PPP1R9A: variants seen among roughly 807,000 people sequenced by gnomAD.
The protein encoded by PPP1R9A is protein phosphatase 1 regulatory subunit 9A, also known as neurabin-1.
A neutral mutation model predicts 141.9 loss-of-function variants in PPP1R9A; 59 were observed. The observed-to-expected ratio is 0.42, with a 90% CI of 0.34 to 0.52. PPP1R9A has a LOEUF of 0.52. Ranked by LOEUF, PPP1R9A falls within the 20% of genes least tolerant of loss-of-function variation. The probability of loss-of-function intolerance (pLI) is 0.10; values close to 1 mark genes in which losing one functional copy is unlikely to be tolerated. For synonymous variants in PPP1R9A, 500 were observed against 569.7 expected, an observed-to-expected ratio of 0.88 and a Z score of 1.74; for missense variants, 1,444 against 1,611.9, an observed-to-expected ratio of 0.90 and a Z score of 1.78.
At chr7:95,272,878 G>C (rs187614109) in intron 14 of PPP1R9A, among the ~76,000 whole-genome samples, 3 of 152,266 alleles carry the variant, frequency 2.0e-5, no homozygotes, top group Non-Finnish European at 2.9e-5. Flanking sequence ...ATAAGAGACA[G>C]AAAAACAGAT....
chr7:95,262,099 G>C (rs1484405911), intron 12 of PPP1R9A, among the ~76,000 whole-genome samples: 24 of 152,162 alleles, frequency 1.6e-4, no homozygotes, highest in Admixed American at 1.6e-3. Flanking sequence ...AATATCCATA[G>C]ATTTTGATTG....
At chr7:95,040,867 T>G (rs958281901) in intron 2 of PPP1R9A, among the ~76,000 whole-genome samples, 11 of 152,136 alleles carry the variant, frequency 7.2e-5, no homozygotes, top group Admixed American at 7.2e-4. Flanking sequence ...TGAAAGAGAT[T>G]AATCCTCTCT....
At chr7:95,185,378 A>ATTTTTTTTTTTTTTTTTTTTTTTTT (rs147366122) in intron 5 of PPP1R9A, among the ~76,000 whole-genome samples, 13 of 148,866 alleles carry the variant, frequency 8.7e-5, no homozygotes, top group African/African-American at 3.2e-4. Flanking sequence ...TTTTTATGGG[A>ATTTTTTTTTTTTTTTTTTTTTTTTT]TTTTTTTTTT....
At chr7:95,121,808 A>G (rs2152489395) in intron 4 of PPP1R9A, among the ~76,000 whole-genome samples, 1 of 152,264 alleles carries the variant, frequency 6.6e-6, no homozygotes, top group South Asian at 2.1e-4. Context: ...ACCCACTCTC[A>G]AAGAAATAAA....
At chr7:95,244,545 A>G (rs1234032919) in intron 8 of PPP1R9A, among the ~76,000 whole-genome samples, 1 of 152,194 alleles carries the variant, frequency 6.6e-6, no homozygotes, top group East Asian at 1.9e-4. Context: ...ATCTGAGAAA[A>G]GAAAGTCCAA....
chr7:95,012,063 A>G (rs1804499987), intron 2 of PPP1R9A, among the ~76,000 whole-genome samples: 1 of 152,186 alleles, frequency 6.6e-6, no homozygotes, highest in African/African-American at 2.4e-5. Flanking sequence ...GGACTATAGC[A>G]GTTAATAGTT....
intron 2 of PPP1R9A, among the ~76,000 whole-genome samples, chr7:94,954,804 G>T: frequency 6.9e-6 from 1 of 145,948 alleles, no homozygotes; most frequent in Non-Finnish European, 1.5e-5. Flanking sequence ...TGTTTATTCT[G>T]TTATTTTAGA....
At chr7:95,280,558 A>G (rs1254388330) in intron 16 of PPP1R9A, among the ~76,000 whole-genome samples, 1 of 152,192 alleles carries the variant, frequency 6.6e-6, no homozygotes, top group African/African-American at 2.4e-5. Context: ...GGAAACAGCT[A>G]CCTCTGAAAT....
chr7:94,937,052 G>A lies in PPP1R9A; in HGVS notation c.1395+25544G>A, dbSNP rs866182453. Among the ~76,000 whole-genome samples the A allele has an allele frequency of 4.6e-5, 7 of 152,118 alleles. No homozygotes were observed. In the East Asian group the frequency reaches 7.7e-4, roughly 17 times the overall value. On this transcript the variant is annotated intron_variant, in intron 2 of 19. Transcript: ENST00000433360. ...ATGTATTAGCATTTTTAATAGCTCC[G>A]TAGTATAAATGTGCCCTAACTTATT...
At chr7:95,115,788 G>A (rs946050989) in intron 3 of PPP1R9A, among the ~76,000 whole-genome samples, 1 of 151,566 alleles carries the variant, frequency 6.6e-6, no homozygotes, top group South Asian at 2.1e-4. Flanking sequence ...GTGGTGGCAC[G>A]TGCCTGTAGT....
intron 2 of PPP1R9A, among the ~76,000 whole-genome samples, chr7:95,059,737 A>G (rs1196739378): frequency 6.6e-6 from 1 of 152,182 alleles, no homozygotes; most frequent in East Asian, 1.9e-4. Context: ...GTCCCTATAA[A>G]GGAACTTCGT....
At chr7:94,956,684 G>A (rs1035392397) in intron 2 of PPP1R9A, among the ~76,000 whole-genome samples, 5 of 152,014 alleles carry the variant, frequency 3.3e-5, no homozygotes, top group Admixed American at 6.6e-5. Flanking sequence ...CTCCAGCCTG[G>A]GCAACAGGGT....
intron 2 of PPP1R9A, among the ~76,000 whole-genome samples, chr7:95,077,255 T>C (rs555230599): frequency 6.6e-6 from 1 of 152,176 alleles, no homozygotes; most frequent in Non-Finnish European, 1.5e-5. Flanking sequence ...TTTCGCTTTG[T>C]GGTCTGTGTC....
At chr7:95,167,948 G>A (rs1019387359) in intron 5 of PPP1R9A, among the ~76,000 whole-genome samples, 61 of 152,058 alleles carry the variant, frequency 4.0e-4, no homozygotes, top group African/African-American at 1.4e-3. Flanking sequence ...GAGAATTAAC[G>A]TTGTTAAAAT....
chr7:95,276,897 C>T (rs1433520331), intron 16 of PPP1R9A, among the ~76,000 whole-genome samples: 1 of 152,104 alleles, frequency 6.6e-6, no homozygotes, highest in Non-Finnish European at 1.5e-5. Context: ...GGGTACAGAA[C>T]CTTATAAAAC....
intron 6 of PPP1R9A, among the ~76,000 whole-genome samples, chr7:95,201,509 G>C (rs1192793769): frequency 1.3e-5 from 2 of 152,094 alleles, no homozygotes; most frequent in Non-Finnish European, 2.9e-5. Context: ...ATTGTCACTT[G>C]ATTCAAATTC....
intron 2 of PPP1R9A, among the ~76,000 whole-genome samples, chr7:95,075,705 C>T (rs926446719): frequency 3.3e-5 from 5 of 151,936 alleles, no homozygotes; most frequent in Admixed American, 6.6e-5. Context: ...GGTGTGGTGG[C>T]GGGTGCCTGT....
intron 4 of PPP1R9A, among the ~76,000 whole-genome samples, chr7:95,143,447 C>T (rs1368558027): frequency 6.6e-6 from 1 of 152,138 alleles, no homozygotes; most frequent in African/African-American, 2.4e-5. Flanking sequence ...GAGATCTGCT[C>T]TCAGAGTGGG....
chr7:95,000,599 G>A (rs1031795846), intron 2 of PPP1R9A, among the ~76,000 whole-genome samples: 5 of 151,748 alleles, frequency 3.3e-5, no homozygotes, highest in Non-Finnish European at 7.4e-5. Flanking sequence ...ATAATTTGTA[G>A]TTTTTGACTG....
Sources: gnomAD v4.1 joint callset for allele counts (sites outside exome capture counted in the v4.1 genomes callset) on GRCh38, gnomAD v4.1.1 for gene constraint, MANE v1.5 for transcripts, NCBI Gene and HGNC (gene_info 2026-07-23, HGNC 2026-07-21) for gene names.